UGGT1: variants seen among roughly 807,000 people sequenced by gnomAD.
The protein encoded by UGGT1 is UDP-glucose glycoprotein glucosyltransferase 1.
A neutral mutation model predicts 203.9 loss-of-function variants in UGGT1; 107 were observed. The ratio of observed to expected loss-of-function variants is 0.52; its 90% confidence interval spans 0.45 to 0.62. UGGT1 has a LOEUF of 0.62. Among genes scored for constraint, UGGT1 ranks in the 20% least tolerant of loss-of-function variants. UGGT1 has a pLI of 0.00. For synonymous variants in UGGT1, 628 were observed against 653.5 expected, an observed-to-expected ratio of 0.96 and a Z score of 0.59; for missense variants, 1,673 against 1,867.2, an observed-to-expected ratio of 0.90 and a Z score of 1.92.
intron 27 of UGGT1, among the ~76,000 whole-genome samples, chr2:128,170,655 G>A (rs1691047732): frequency 6.6e-6 from 1 of 151,998 alleles, no homozygotes; most frequent in Non-Finnish European, 1.5e-5. Context: ...AAAACATCCT[G>A]GAATTAAGGT....
At chr2:128,141,934 T>G (rs149319846) in intron 16 of UGGT1, among the ~76,000 whole-genome samples, 4 of 152,108 alleles carry the variant, frequency 2.6e-5, no homozygotes. Flanking sequence ...GGACTACTTA[T>G]AAGTGTTGAG....
At chr2:128,179,971 A>G (rs1003261598) in intron 35 of UGGT1, 101 bp downstream of exon 35, 9 of 971,934 alleles carry the variant, frequency 9.3e-6, no homozygotes, top group Non-Finnish European at 1.4e-5. Context: ...CAAATTTTCC[A>G]TTTACTAAGA....
At chr2:128,109,604 A>T in intron 4 of UGGT1, 30 bp from the exon 5 acceptor site, 2 of 1,550,102 alleles carry the variant, frequency 1.3e-6, no homozygotes, top group Non-Finnish European at 1.8e-6. Context: ...TTAGAAATTT[A>T]AAAAGTATGT....
chr2:128,179,713 G>A (rs1691585686), intron 34 of UGGT1, 73 bp from the exon 35 acceptor site: 1 of 1,306,964 alleles, frequency 7.7e-7, no homozygotes, highest in Non-Finnish European at 1.1e-6. Context: ...GGTGTCTCGT[G>A]ATTGACTCTA....
intron 22 of UGGT1, among the ~76,000 whole-genome samples, chr2:128,157,969 T>C (rs534422535): frequency 1.3e-5 from 2 of 152,240 alleles, no homozygotes; most frequent in East Asian, 3.9e-4. Context: ...CTCCTCATGG[T>C]CCCCTTTCCA....
chr2:128,153,749 G>T (rs1690094553), intron 19 of UGGT1, among the ~76,000 whole-genome samples: 1 of 152,178 alleles, frequency 6.6e-6, no homozygotes, highest in African/African-American at 2.4e-5. Flanking sequence ...ACAGTTGGCA[G>T]TTTTCTGCTA....
Position 128,096,832 on chromosome 2 carries a change from A to G in UGGT1, c.59-597A>G, listed in dbSNP as rs73957665. 4.2e-3 allele frequency among the ~76,000 whole-genome samples: 634 copies of G among 152,262 alleles called. 6 individuals are homozygous for G. Among genetic ancestry groups the G allele is most frequent in the African/African-American group, 0.013 (556 of 41,538 alleles). The stretch of plus-strand genomic sequence containing the variant: ...ATGGTTGTGTGCAACCTGGTGTGCC[A>G]CCAACTGATTTTTATACCCCTGTAT... On this transcript the variant is annotated intron_variant, in intron 1 of 40. Coordinates refer to ENST00000259253, the MANE Select transcript of UGGT1 (RefSeq NM_020120.4).
At chr2:128,120,260 G>T in intron 8 of UGGT1, 96 bp from the exon 9 acceptor site, 4 of 1,144,850 alleles carry the variant, frequency 3.5e-6, no homozygotes, top group Non-Finnish European at 3.8e-6. Context: ...CCTAGGGTTG[G>T]GAGAGGAAAA....
At chr2:128,111,091 G>C (rs979064980) in intron 5 of UGGT1, among the ~76,000 whole-genome samples, 4 of 152,192 alleles carry the variant, frequency 2.6e-5, no homozygotes, top group African/African-American at 4.8e-5. Context: ...GGGGGCACAA[G>C]CCTGTAGTCC....
At position 128,172,757 on chromosome 2, in the gene UGGT1, G is replaced by C; in HGVS notation, c.3289G>C (p.Glu1097Gln). 6.2e-7 allele frequency: 1 copy of C among 1,613,376 alleles called. No homozygotes were observed. The highest frequency in any genetic ancestry group is 2.2e-5 in the East Asian group (1 of 44,862). ...ATATGATCTTGATAATATTTATTTA[G>C]AAGAGGTAAGACCATATCTATTGCT... The part of the protein sequence containing the change: ...TPYDLDNIYL[E>Q]EVDSVVAAEY... Residue 1097 changes from glutamate (E) to glutamine (Q), a missense_variant, in exon 29 of 41, where the codon GAA (glutamate) becomes CAA (glutamine). Transcript: ENST00000259253.
rs766578083 is a variant in UGGT1 at position 128,159,729 on chromosome 2, C to T, written c.2562+9C>T. The T allele has an allele frequency of 1.9e-6, 3 of 1,612,846 alleles. No individual in the cohort carries two copies. Among genetic ancestry groups the T allele is most frequent in the Middle Eastern group, 1.7e-4 (1 of 5,990 alleles). ...CGGAGTTCTCTGTTGGGGTAAGGCTCTGAGCCTCTCATGAGGCTGCCCCAT... is the reference window on the plus strand; with the variant it reads ...CGGAGTTCTCTGTTGGGGTAAGGCTTTGAGCCTCTCATGAGGCTGCCCCAT... On this transcript the variant is annotated intron_variant, in intron 23 of 40. Coordinates refer to ENST00000259253, the MANE Select transcript of UGGT1 (RefSeq NM_020120.4).
rs375553430 is a variant in UGGT1 at position 128,186,848 on chromosome 2, A to C, written c.4476+49A>C. ...TGCATGTTCATCCACTGGATGTGTG[A>C]GTGAATCACGATTAATGATTTTTAT... On this transcript the variant is annotated intron_variant, in intron 39 of 40. Coordinates refer to ENST00000259253, the MANE Select transcript of UGGT1 (RefSeq NM_020120.4). 8.2e-6 allele frequency: 11 copies of C among 1,337,098 alleles called. No individual in the cohort carries two copies. In the African/African-American group the frequency reaches 1.5e-4, roughly 18 times the overall value. The allele number at this position is 1,337,098 out of a possible 1,614,324, so 82.8% of individuals were successfully genotyped here.
At position 128,157,255 on chromosome 2, in the gene UGGT1, A is replaced by G. The variant is rs1440796061; in HGVS notation, c.2264A>G (p.Asp755Gly). Residue 755 changes from aspartate to glycine, a missense_variant, in exon 22 of 41, where the codon GAT becomes GGT. Asp to Gly is a moderately conservative substitution (Grantham distance 94). Around this residue, in one of 4 missense-constraint regions of UGGT1, gnomAD observed 1,073 missense variants for 1,078.7 expected, o/e 0.99. Transcript: ENST00000259253. ...KGMSSKEIYD[D>G]SFIRPVTFWI... is the part of the protein sequence containing the mutation. ...AGCTGTTTTTGTTTTTCTACAGATGATTCTTTTATTAGGCCAGTAACTTTT... is the reference window on the plus strand; with the variant it reads ...AGCTGTTTTTGTTTTTCTACAGATGGTTCTTTTATTAGGCCAGTAACTTTT... 1 of 1,613,478 alleles carries G rather than the reference A, an allele frequency of 6.2e-7. No homozygotes were observed. Among genetic ancestry groups the G allele is most frequent in the South Asian group, 1.1e-5 (1 of 91,060 alleles).
chr2:128,129,925 A>G (rs1331262885), intron 13 of UGGT1, among the ~76,000 whole-genome samples: 2 of 152,172 alleles, frequency 1.3e-5, no homozygotes, highest in Non-Finnish European at 2.9e-5. Context: ...TTTGCCTGCC[A>G]TATGATCTTT....
intron 9 of UGGT1, among the ~76,000 whole-genome samples, chr2:128,120,941 G>C (rs4477850): frequency 0.9 from 136,995 of 152,196 alleles, 62,441 homozygotes; most frequent in Non-Finnish European, 0.98. Context: ...GATTTAGCCT[G>C]TGCTACATGC....
intron 8 of UGGT1, among the ~76,000 whole-genome samples, chr2:128,117,211 C>G (rs1275304460): frequency 6.6e-6 from 1 of 151,334 alleles, no homozygotes; most frequent in Non-Finnish European, 1.5e-5. Flanking sequence ...TGCCTCAGCC[C>G]CCTGAGTAGC....
chr2:128,101,085 C>T (rs1422428382), intron 2 of UGGT1, among the ~76,000 whole-genome samples: 1 of 152,150 alleles, frequency 6.6e-6, no homozygotes, highest in Non-Finnish European at 1.5e-5. Flanking sequence ...TAGGCCCCTT[C>T]TCCTGTGGCT....
intron 19 of UGGT1, 47 bp downstream of exon 19, chr2:128,152,951 T>C (rs1200416624): frequency 6.2e-7 from 1 of 1,603,664 alleles, no homozygotes; most frequent in Non-Finnish European, 8.5e-7. Context: ...TGACTTGTGC[T>C]TCAGAATCTT....
intron 6 of UGGT1, among the ~76,000 whole-genome samples, chr2:128,114,644 G>A (rs924012254): frequency 4.6e-5 from 7 of 152,112 alleles, no homozygotes; most frequent in African/African-American, 1.7e-4. Context: ...AAACACCTCT[G>A]GGACTGAGAC....
Sources: gnomAD v4.1 joint callset for allele counts (sites outside exome capture counted in the v4.1 genomes callset) on GRCh38, gnomAD v4.1.1 for gene constraint, gnomAD v4.1.1 regional missense constraint, MANE v1.5 for transcripts, NCBI Gene and HGNC (gene_info 2026-07-23, HGNC 2026-07-21) for gene names.